FAM184B: variants seen among roughly 807,000 people sequenced by gnomAD.
The protein encoded by FAM184B is family with sequence similarity 184 member B, also known as protein FAM184B.
In FAM184B, 111 loss-of-function variants were observed where a neutral mutation model predicts 135.9. The ratio of observed to expected loss-of-function variants is 0.82; its 90% CI spans 0.70 to 0.96. FAM184B has a LOEUF of 0.96. Ranked by LOEUF, FAM184B falls within the 40% of genes least tolerant of loss-of-function variation. The probability of loss-of-function intolerance (pLI) is 0.00; values close to 1 mark genes in which losing one functional copy is unlikely to be tolerated. For missense variants in FAM184B, 1,375 were observed against 1,323.9 expected, an observed-to-expected ratio of 1.04 and a Z score of -0.60; for synonymous variants, 552 against 524.8, an observed-to-expected ratio of 1.05 and a Z score of -0.71.
At chr4:17,726,797 CT>C (rs1205388830) in intron 1 of FAM184B, among the ~76,000 whole-genome samples, 5 of 152,190 alleles carry the variant, frequency 3.3e-5, no homozygotes, top group Non-Finnish European at 7.3e-5. Context: ...ATTTTCCCAG[CT>C]CAGCCTGCCC....
chr4:17,673,948 A>G (rs1444862129), intron 7 of FAM184B, among the ~76,000 whole-genome samples: 3 of 152,154 alleles, frequency 2.0e-5, no homozygotes, highest in African/African-American at 7.2e-5. Context: ...ACAACAAACA[A>G]AAATAAATGA....
At chr4:17,756,619 G>C (rs751828582) in intron 1 of FAM184B, among the ~76,000 whole-genome samples, 2 of 152,152 alleles carry the variant, frequency 1.3e-5, no homozygotes, top group Non-Finnish European at 2.9e-5. Flanking sequence ...TGATAGAAGT[G>C]TTTTAGCTAT....
rs12651168 is a variant in FAM184B at position 17,638,763 on chromosome 4, C to G, written c.2666+487G>C. On this transcript the variant is annotated intron_variant, in intron 14 of 17. Coordinates refer to ENST00000265018, the MANE Select transcript of FAM184B (RefSeq NM_015688.2). ...AAACCAATGCTCATCCTCACAAATT[C>G]CCACTGCCCTGCAGAAAAGGGGAAC... 7.3e-4 allele frequency among the ~76,000 whole-genome samples: 111 copies of G among 151,810 alleles called. No homozygotes were observed. In the East Asian group the frequency reaches 0.02, roughly 28 times the overall value.
chr4:17,720,130 C>T lies in FAM184B; in HGVS notation c.142-10486G>A, dbSNP rs141366833. Among the ~76,000 whole-genome samples, 74 of 152,280 alleles carry T rather than the reference C, an allele frequency of 4.9e-4. No individual in the cohort carries two copies. In the East Asian group the frequency reaches 0.012, roughly 24 times the overall value. ...ATTTCCTTGGGGTCTCACTCAATTC[C>T]ATTATTTAATGCATTCTCTATTTGC... On this transcript the variant is annotated intron_variant, in intron 1 of 17. Transcript: ENST00000265018.
chr4:17,649,457 G>T (rs1715550206), intron 11 of FAM184B, among the ~76,000 whole-genome samples: 1 of 151,986 alleles, frequency 6.6e-6, no homozygotes, highest in South Asian at 2.1e-4. Context: ...GGTGGCAGGT[G>T]CCTGTAGTCC....
At chr4:17,701,130 C>T (rs570282980) in intron 5 of FAM184B, among the ~76,000 whole-genome samples, 85 of 152,312 alleles carry the variant, frequency 5.6e-4, no homozygotes, top group Non-Finnish European at 1.1e-3. Context: ...AGATCTTGTC[C>T]TCCCTACCAG....
intron 1 of FAM184B, among the ~76,000 whole-genome samples, chr4:17,714,298 G>A (rs964033154): frequency 2.6e-5 from 4 of 152,142 alleles, no homozygotes; most frequent in African/African-American, 7.2e-5. Flanking sequence ...ATGGAATTTG[G>A]GTAGATGGGG....
At chr4:17,755,039 T>C (rs998382335) in intron 1 of FAM184B, among the ~76,000 whole-genome samples, 31 of 152,086 alleles carry the variant, frequency 2.0e-4, no homozygotes, top group African/African-American at 6.0e-4. Context: ...TTTTAATTTT[T>C]TTGTAAGAAT....
intron 1 of FAM184B, among the ~76,000 whole-genome samples, chr4:17,763,550 T>G (rs1035283611): frequency 7.1e-6 from 1 of 140,800 alleles, no homozygotes; most frequent in East Asian, 2.0e-4. Context: ...ATAGTAAGAC[T>G]GGACGGACAC....
intron 4 of FAM184B, among the ~76,000 whole-genome samples, chr4:17,705,549 G>T (rs1379917816): frequency 6.6e-6 from 1 of 152,212 alleles, no homozygotes; most frequent in Non-Finnish European, 1.5e-5. Context: ...AGCGTTGGGA[G>T]GATTCTGCTA....
rs1715237592 is a variant in FAM184B at position 17,639,245 on chromosome 4, C to G, written c.2666+5G>C. ...ACCCTCCCTGGGGCCCGAGGCCTCACTTACTCGGCTTCCAGGGCAGCCAGC... is the reference window on the plus strand; with the variant it reads ...ACCCTCCCTGGGGCCCGAGGCCTCAGTTACTCGGCTTCCAGGGCAGCCAGC... On this transcript the variant is annotated splice_donor_5th_base_variant and intron_variant, in intron 14 of 17. Transcript: ENST00000265018. 6.4e-7 allele frequency: 1 copy of G among 1,551,284 alleles called. No homozygotes were observed. The highest frequency in any genetic ancestry group is 2.0e-5 in the Admixed American group (1 of 50,974).
At chr4:17,680,873 C>T (rs964261553) in intron 7 of FAM184B, among the ~76,000 whole-genome samples, 1 of 152,172 alleles carries the variant, frequency 6.6e-6, no homozygotes, top group African/African-American at 2.4e-5. Context: ...AACACCCACG[C>T]CCAGGAAATC....
intron 13 of FAM184B, among the ~76,000 whole-genome samples, chr4:17,641,068 G>A (rs1332534888): frequency 2.0e-5 from 3 of 152,052 alleles, no homozygotes; most frequent in Admixed American, 2.0e-4. Flanking sequence ...CGAGTAGCCG[G>A]GACTGCAGGC....
chr4:17,766,954 G>A (rs866437674), intron 1 of FAM184B, among the ~76,000 whole-genome samples: 7 of 152,306 alleles, frequency 4.6e-5, no homozygotes, highest in Non-Finnish European at 8.8e-5. Flanking sequence ...CCTGCCCCGC[G>A]GGGAGGCACC....
In FAM184B at chr4:17,781,094, C is replaced by T. The variant is rs1719022938; in HGVS notation, c.141+65G>A. 2.0e-6 allele frequency: 3 copies of T among 1,466,966 alleles called. No individual in the cohort carries two copies. Among genetic ancestry groups the T allele is most frequent in the Non-Finnish European group, 2.7e-6 (3 of 1,105,608 alleles). 90.9% of individuals were successfully genotyped at this position (1,466,966 alleles called of 1,614,324 possible). On this transcript the variant is annotated intron_variant, in intron 1 of 17. Coordinates refer to ENST00000265018, the MANE Select transcript of FAM184B (RefSeq NM_015688.2). The surrounding 1 kb of genome is among the most constrained non-coding windows in gnomAD (Gnocchi z 6.5). Reference sequence around the variant, plus strand: ...GCCCGGGCCTCCCGGGAGGCGCATCCGCACTGACTCCCGGCTCGGGCGCCC... The same window carrying T: ...GCCCGGGCCTCCCGGGAGGCGCATCTGCACTGACTCCCGGCTCGGGCGCCC...
At chr4:17,765,040 C>A (rs1718628282) in intron 1 of FAM184B, among the ~76,000 whole-genome samples, 1 of 152,230 alleles carries the variant, frequency 6.6e-6, no homozygotes, top group African/African-American at 2.4e-5. Flanking sequence ...CACTCCTGGG[C>A]AACAGAGCAA....
chr4:17,738,835 A>G (rs1717963872), intron 1 of FAM184B, among the ~76,000 whole-genome samples: 1 of 152,008 alleles, frequency 6.6e-6, no homozygotes, highest in Admixed American at 6.6e-5. Context: ...CTCTATTATT[A>G]TAGTTTCTGT....
chr4:17,639,176 C>T lies in FAM184B; in HGVS notation c.2666+74G>A, dbSNP rs1420563826. On this transcript the variant is annotated intron_variant, in intron 14 of 17. Coordinates refer to ENST00000265018, the MANE Select transcript of FAM184B (RefSeq NM_015688.2). ...TTTGAAAACCAGGAAATCCCAGGGT[C>T]ATTGGGGTGAGTTGGCCACCCTACT... 33 of 1,415,504 alleles carry T rather than the reference C, an allele frequency of 2.3e-5. No homozygotes were observed. In the Admixed American group the frequency reaches 6.5e-4, roughly 28 times the overall value. 87.7% of individuals were successfully genotyped at this position (1,415,504 alleles called of 1,614,324 possible).
intron 1 of FAM184B, among the ~76,000 whole-genome samples, chr4:17,736,305 C>G (rs1373539983): frequency 6.6e-6 from 1 of 152,082 alleles, no homozygotes; most frequent in Non-Finnish European, 1.5e-5. Context: ...AATAGGAGTA[C>G]CACTTAAGTA....
Sources: gnomAD v4.1 joint callset for allele counts (sites outside exome capture counted in the v4.1 genomes callset) on GRCh38, gnomAD v4.1.1 for gene constraint, Gnocchi (gnomAD v3.1) non-coding constraint, MANE v1.5 for transcripts, NCBI Gene and HGNC (gene_info 2026-07-23, HGNC 2026-07-21) for gene names.